The following PDZD2 variants were observed in gnomAD, a reference collection of about 807,000 sequenced individuals.
The protein encoded by PDZD2 is PDZ domain containing 2.
A neutral mutation model predicts 220.7 loss-of-function variants in PDZD2; 90 were observed. That is an observed-to-expected ratio of 0.41 (90% confidence interval 0.34 to 0.49). PDZD2 has a LOEUF of 0.49. Among genes scored for constraint, PDZD2 ranks in the 20% least tolerant of loss-of-function variants. The pLI, the probability that PDZD2 is intolerant of heterozygous loss-of-function variation, is 0.28. For missense variants in PDZD2, 3,174 were observed against 3,608.5 expected (o/e 0.88, Z 3.08); for synonymous variants, 1,375 against 1,450.5 (o/e 0.95, Z 1.18).
intron 2 of PDZD2, among the ~76,000 whole-genome samples, chr5:31,964,800 C>G (rs1748571468): frequency 6.6e-6 from 1 of 152,218 alleles, no homozygotes; most frequent in Non-Finnish European, 1.5e-5. Context: ...ACTGCAAGCT[C>G]CGCCTCCCGG....
chr5:31,828,390 G>T (rs978860866), intron 2 of PDZD2, among the ~76,000 whole-genome samples: 1 of 152,224 alleles, frequency 6.6e-6, no homozygotes, highest in South Asian at 2.1e-4. Flanking sequence ...GTGTGAAGCT[G>T]TATCTCACTG....
At chr5:31,924,456 C>T (rs73066454) in intron 2 of PDZD2, among the ~76,000 whole-genome samples, 9,057 of 152,230 alleles carry the variant, frequency 0.059, 916 homozygotes, top group African/African-American at 0.2. Context: ...TTCCTGAAGA[C>T]GCACTTCTTC....
At chr5:32,013,657 C>T (rs938343357) in intron 6 of PDZD2, among the ~76,000 whole-genome samples, 4 of 152,134 alleles carry the variant, frequency 2.6e-5, no homozygotes, top group African/African-American at 2.4e-5. Context: ...TGGGTTTCTC[C>T]GTCATGCCAC....
intron 5 of PDZD2, among the ~76,000 whole-genome samples, chr5:32,009,778 G>A (rs1200308943): frequency 6.6e-6 from 1 of 151,808 alleles, no homozygotes; most frequent in African/African-American, 2.4e-5. Flanking sequence ...AATTCAGGGA[G>A]CTTGGATTGC....
intron 2 of PDZD2, among the ~76,000 whole-genome samples, chr5:31,834,139 GTTTTGTTGCC>G (rs1355677313): frequency 1.3e-5 from 2 of 152,194 alleles, no homozygotes; most frequent in Admixed American, 6.5e-5. Flanking sequence ...GCTAAGCCAG[GTTTTGTTGCC>G]AAGAGGAGGA....
intron 2 of PDZD2, among the ~76,000 whole-genome samples, chr5:31,804,737 G>A (rs747095391): frequency 6.6e-5 from 10 of 150,898 alleles, no homozygotes; most frequent in Non-Finnish European, 1.2e-4. Context: ...GTCCTTGTGC[G>A]ATCTGATGCA....
intron 7 of PDZD2, among the ~76,000 whole-genome samples, chr5:32,041,663 C>A (rs1483439363): frequency 6.6e-6 from 1 of 151,850 alleles, no homozygotes; most frequent in African/African-American, 2.4e-5. Flanking sequence ...TAAGAGTCAT[C>A]ACCACTCCCT....
At chr5:31,777,493 G>A (rs2150205229) in intron 1 of PDZD2, among the ~76,000 whole-genome samples, 1 of 152,364 alleles carries the variant, frequency 6.6e-6, no homozygotes, top group Middle Eastern at 3.4e-3. Context: ...CAAGGGCTGA[G>A]GGGTGCAGGT....
At chr5:31,818,923 C>T (rs1243104750) in intron 2 of PDZD2, among the ~76,000 whole-genome samples, 1 of 152,102 alleles carries the variant, frequency 6.6e-6, no homozygotes, top group Non-Finnish European at 1.5e-5. Flanking sequence ...TGTTCATTTG[C>T]AATATATATA....
At chr5:32,041,928 A>T (rs1404225053) in intron 7 of PDZD2, among the ~76,000 whole-genome samples, 7 of 139,016 alleles carry the variant, frequency 5.0e-5, no homozygotes, top group Non-Finnish European at 1.1e-4. Flanking sequence ...AAAAAAAAAC[A>T]TCAATTGCCG....
In PDZD2 at chr5:31,864,715, C is replaced by T. The variant is rs532222131; in HGVS notation, c.476+64991C>T. 2.3e-4 allele frequency among the ~76,000 whole-genome samples: 34 copies of T among 150,992 alleles called. No homozygotes were observed. In the South Asian group the frequency reaches 6.3e-3, roughly 28 times the overall value. ...TTGTATTAGTAGACACAGGGTTTCA[C>T]CATATTGGCCAGGCTGGTCTCAAAC... On this transcript the variant is annotated intron_variant, in intron 2 of 24. Transcript: ENST00000438447.
intron 2 of PDZD2, among the ~76,000 whole-genome samples, chr5:31,892,586 G>A (rs1040133638): frequency 6.6e-6 from 1 of 152,038 alleles, no homozygotes; most frequent in African/African-American, 2.4e-5. Context: ...CGGGGGTGGT[G>A]TAGGGGAGTC....
intron 2 of PDZD2, among the ~76,000 whole-genome samples, chr5:31,829,279 T>C (rs377357754): frequency 1.3e-5 from 2 of 152,154 alleles, no homozygotes; most frequent in South Asian, 2.1e-4. Flanking sequence ...AGTAAACTTA[T>C]CTTTGAAATA....
chr5:31,887,669 T>C (rs547948948), intron 2 of PDZD2, among the ~76,000 whole-genome samples: 1 of 152,280 alleles, frequency 6.6e-6, no homozygotes, highest in Non-Finnish European at 1.5e-5. Context: ...TCTGTAGGAA[T>C]CTGACAAAAT....
chr5:31,958,934 C>T lies in PDZD2; in HGVS notation c.477-24221C>T, dbSNP rs974086643. On this transcript the variant is annotated intron_variant, in intron 2 of 24. Transcript: ENST00000438447. ...TGAGCCACCCGGCCTTTAAAGCACTCGATTGATTGATTGATTGAGATGGAG... is the reference window on the plus strand; with the variant it reads ...TGAGCCACCCGGCCTTTAAAGCACTTGATTGATTGATTGATTGAGATGGAG... Among the ~76,000 whole-genome samples the T allele has an allele frequency of 4.8e-4, 71 of 147,020 alleles. 1 individual carries two copies. Among genetic ancestry groups the T allele is most frequent in the Admixed American group, 7.4e-4 (11 of 14,772 alleles).
chr5:31,912,232 G>A (rs1339947731), intron 2 of PDZD2, among the ~76,000 whole-genome samples: 1 of 152,192 alleles, frequency 6.6e-6, no homozygotes, highest in Non-Finnish European at 1.5e-5. Context: ...GTGAGGGTCT[G>A]CTTTCTGGTT....
chr5:31,896,612 C>T (rs1474716204), intron 2 of PDZD2, among the ~76,000 whole-genome samples: 2 of 152,152 alleles, frequency 1.3e-5, no homozygotes, highest in African/African-American at 4.8e-5. Context: ...ACAAGGGTTT[C>T]TGAGTCTTTA....
chr5:31,831,221 C>T (rs570838240), intron 2 of PDZD2, among the ~76,000 whole-genome samples: 110 of 152,338 alleles, frequency 7.2e-4, no homozygotes, highest in African/African-American at 2.4e-3. Flanking sequence ...CAGTGGCTCA[C>T]GCCTGTAATC....
chr5:32,007,972 C>A (rs1052120849), intron 5 of PDZD2, among the ~76,000 whole-genome samples: 3 of 152,046 alleles, frequency 2.0e-5, no homozygotes, highest in Non-Finnish European at 2.9e-5. Flanking sequence ...TGTGTGTTGG[C>A]GATGCCCCTT....
Sources: gnomAD v4.1 joint callset for allele counts (sites outside exome capture counted in the v4.1 genomes callset) on GRCh38, gnomAD v4.1.1 for gene constraint, MANE v1.5 for transcripts, NCBI Gene and HGNC (gene_info 2026-07-23, HGNC 2026-07-21) for gene names.